SLC9A9: variants seen among roughly 807,000 people sequenced by gnomAD.
SLC9A9 encodes solute carrier family 9 member A9, also known as sodium/hydrogen exchanger 9.
Under a neutral mutation model 77.8 loss-of-function variants are expected in SLC9A9, and 62 were observed. That is an observed-to-expected ratio of 0.80 (90% CI 0.65 to 0.98). SLC9A9 has a LOEUF of 0.98. Among genes scored for constraint, SLC9A9 ranks in the 50% least tolerant of loss-of-function variants. The pLI is 0.00. For missense variants in SLC9A9, 775 were observed against 774.9 expected, an observed-to-expected ratio of 1.00 and a Z score of 0.00; for synonymous variants, 320 against 283.5, an observed-to-expected ratio of 1.13 and a Z score of -1.29.
At chr3:143,404,802 T>G (rs1220525935) in intron 12 of SLC9A9, among the ~76,000 whole-genome samples, 2 of 152,256 alleles carry the variant, frequency 1.3e-5, no homozygotes, top group Non-Finnish European at 2.9e-5. Flanking sequence ...GACAAATTGT[T>G]GGAAGTCTAT....
chr3:143,707,753 C>G (rs1403770557), intron 4 of SLC9A9, among the ~76,000 whole-genome samples: 1 of 152,178 alleles, frequency 6.6e-6, no homozygotes, highest in Non-Finnish European at 1.5e-5. Flanking sequence ...TCATGTGGGT[C>G]TAGAAGTGGC....
intron 4 of SLC9A9, among the ~76,000 whole-genome samples, chr3:143,695,711 TG>T (rs1933617786): frequency 6.6e-6 from 1 of 152,224 alleles, no homozygotes; most frequent in African/African-American, 2.4e-5. Context: ...ATGGGATTGC[TG>T]GGTCAAATGG....
chr3:143,474,812 AG>A, intron 11 of SLC9A9, among the ~76,000 whole-genome samples: 2 of 141,178 alleles, frequency 1.4e-5, no homozygotes, highest in Non-Finnish European at 3.3e-5. Flanking sequence ...ATTTTGAACC[AG>A]GTTTGTTCTT....
chr3:143,628,438 T>C (rs1050704197), intron 6 of SLC9A9, among the ~76,000 whole-genome samples: 1 of 152,210 alleles, frequency 6.6e-6, no homozygotes, highest in Non-Finnish European at 1.5e-5. Context: ...ATATCATGTA[T>C]TGAATACTGT....
At position 143,265,806 on chromosome 3, in the gene SLC9A9, G is replaced by A; in HGVS notation, c.*896C>T. 1 of 562,346 alleles carries A rather than the reference G, an allele frequency of 1.8e-6. No homozygotes were observed. The allele number at this position is 562,346 out of a possible 1,614,324, so 34.8% of individuals were successfully genotyped here. A position where few individuals can be genotyped will look rare whatever the true frequency, so the allele number is the denominator to read the frequency against. The stretch of plus-strand genomic sequence containing the variant: ...ATCAGCTGTGAATGCTGGAATTGGA[G>A]GACAGGTTGGGGCTCCTGCACAGTC... On this transcript the variant is annotated 3_prime_UTR_variant, in exon 16 of 16. Coordinates refer to ENST00000316549, the MANE Select transcript of SLC9A9 (RefSeq NM_173653.4).
intron 4 of SLC9A9, among the ~76,000 whole-genome samples, chr3:143,748,043 C>T (rs1043224933): frequency 5.3e-5 from 8 of 152,200 alleles, no homozygotes; most frequent in Non-Finnish European, 1.0e-4. Flanking sequence ...GGATTAGCAG[C>T]TAGAGATCAG....
intron 12 of SLC9A9, among the ~76,000 whole-genome samples, chr3:143,411,629 T>G (rs1390902687): frequency 6.6e-6 from 1 of 152,228 alleles, no homozygotes; most frequent in East Asian, 1.9e-4. Context: ...AAGCCCTTCC[T>G]GTACTCTAAT....
At chr3:143,639,662 T>C (rs978299502) in intron 6 of SLC9A9, among the ~76,000 whole-genome samples, 3 of 152,212 alleles carry the variant, frequency 2.0e-5, no homozygotes, top group Admixed American at 1.3e-4. Flanking sequence ...GGTATGGATT[T>C]AGGAGGTCAT....
At chr3:143,523,226 GTTA>G (rs1372056491) in intron 9 of SLC9A9, among the ~76,000 whole-genome samples, 1 of 151,978 alleles carries the variant, frequency 6.6e-6, no homozygotes, top group African/African-American at 2.4e-5. Context: ...TATTATTATT[GTTA>G]TTATTTTTAC....
chr3:143,392,133 C>T (rs190212188), intron 12 of SLC9A9, among the ~76,000 whole-genome samples: 1 of 152,194 alleles, frequency 6.6e-6, no homozygotes, highest in African/African-American at 2.4e-5. Context: ...AAGAGCAACT[C>T]CAAGACACAT....
At chr3:143,535,243 A>C (rs965913807) in intron 9 of SLC9A9, among the ~76,000 whole-genome samples, 3 of 152,230 alleles carry the variant, frequency 2.0e-5, no homozygotes, top group African/African-American at 7.2e-5. Flanking sequence ...AGACTGGAGC[A>C]AGTCTTAAAG....
chr3:143,451,489 A>G (rs988690217), intron 12 of SLC9A9, among the ~76,000 whole-genome samples: 8 of 152,196 alleles, frequency 5.3e-5, no homozygotes, highest in African/African-American at 1.7e-4. Context: ...TTTAAAACAC[A>G]TACTAGTAAG....
chr3:143,446,895 TGTGC>T (rs1296126982), intron 12 of SLC9A9, among the ~76,000 whole-genome samples: 1 of 149,930 alleles, frequency 6.7e-6, no homozygotes, highest in Non-Finnish European at 1.5e-5. Flanking sequence ...TGTGTGTGTG[TGTGC>T]ATGCACACAT....
intron 6 of SLC9A9, among the ~76,000 whole-genome samples, chr3:143,602,441 G>T (rs147081365): frequency 6.3e-4 from 96 of 152,276 alleles, no homozygotes; most frequent in Middle Eastern, 6.8e-3. Context: ...TCAATTGCTC[G>T]AAACATTCAC....
chr3:143,659,475 A>G (rs764493212), intron 5 of SLC9A9, among the ~76,000 whole-genome samples: 7 of 152,226 alleles, frequency 4.6e-5, no homozygotes, highest in Non-Finnish European at 1.0e-4. Flanking sequence ...TCACTTTCCA[A>G]TCAGTGGATC....
At chr3:143,496,930 G>A (rs1317955347) in intron 9 of SLC9A9, among the ~76,000 whole-genome samples, 2 of 152,096 alleles carry the variant, frequency 1.3e-5, no homozygotes, top group East Asian at 3.9e-4. Context: ...TCCTCTTCCT[G>A]GTTTGCCAAA....
At chr3:143,676,077 C>T (rs1932874318) in intron 5 of SLC9A9, among the ~76,000 whole-genome samples, 1 of 152,130 alleles carries the variant, frequency 6.6e-6, no homozygotes, top group African/African-American at 2.4e-5. Flanking sequence ...TCATGAGGAG[C>T]ACACAACCTA....
At chr3:143,658,806 A>C (rs548509151) in intron 5 of SLC9A9, among the ~76,000 whole-genome samples, 18 of 152,340 alleles carry the variant, frequency 1.2e-4, no homozygotes, top group African/African-American at 4.3e-4. Flanking sequence ...GATTAAGAAA[A>C]GTAGGATATA....
At chr3:143,291,639 A>AG (rs2029981399) in intron 14 of SLC9A9, among the ~76,000 whole-genome samples, 1 of 152,210 alleles carries the variant, frequency 6.6e-6, no homozygotes, top group South Asian at 2.1e-4. Flanking sequence ...CTAGTAATGG[A>AG]GGGGAAAAAG....
Sources: allele counts gnomAD v4.1 joint callset (sites outside exome capture counted in the v4.1 genomes callset), GRCh38; gene constraint gnomAD v4.1.1; transcripts MANE v1.5; gene names NCBI Gene and HGNC (gene_info 2026-07-23, HGNC 2026-07-21).